The following FDFT1 variants were observed in gnomAD, a reference collection of about 807,000 sequenced individuals.
FDFT1 encodes squalene synthase.
FDFT1 carries 68 observed loss-of-function variants against 46.8 expected under a neutral mutation model. The ratio of observed to expected loss-of-function variants is 1.45; its 90% confidence interval spans 1.19 to 1.78. The LOEUF is 1.78. Ranked by LOEUF, FDFT1 falls within the 40% of genes most tolerant of loss-of-function variation. FDFT1 has a pLI of 0.00. For missense variants in FDFT1, 928 were observed against 524.4 expected, an observed-to-expected ratio of 1.77 and a Z score of -7.52; for synonymous variants, 351 against 185.1, an observed-to-expected ratio of 1.90 and a Z score of -7.28.
intron 4 of FDFT1, among the ~76,000 whole-genome samples, chr8:11,824,173 C>T (rs1223266560): frequency 1.3e-5 from 2 of 152,120 alleles, no homozygotes; most frequent in Middle Eastern, 3.2e-3. Flanking sequence ...AACTTTTACC[C>T]TTCCTAATGA....
upstream of FDFT1, chr8:11,802,335 C>T (rs1161830539): frequency 1.2e-5 from 5 of 413,714 alleles, no homozygotes; most frequent in Non-Finnish European, 2.4e-5. Context: ...ACTTATTGAC[C>T]AAGTGGGGAG....
upstream of FDFT1, chr8:11,802,330 T>A (rs1053891291): frequency 2.4e-6 from 1 of 409,748 alleles, no homozygotes; most frequent in African/African-American, 2.1e-5. Flanking sequence ...GGGCGACTTA[T>A]TGACCAAGTG....
At chr8:11,810,368 C>A (rs938911950) in intron 3 of FDFT1, among the ~76,000 whole-genome samples, 5 of 152,156 alleles carry the variant, frequency 3.3e-5, no homozygotes, top group Non-Finnish European at 7.4e-5. Flanking sequence ...CTGCTGCTCA[C>A]GATGGGCAGC....
chr8:11,801,300 G>T (rs895258998), upstream of FDFT1, among the ~76,000 whole-genome samples: 1 of 152,198 alleles, frequency 6.6e-6, no homozygotes, highest in Admixed American at 6.5e-5. Context: ...ACAGCTTTGG[G>T]CAGTGAACGT....
intron 4 of FDFT1, among the ~76,000 whole-genome samples, chr8:11,822,881 T>C (rs1055064234): frequency 6.6e-6 from 1 of 152,248 alleles, no homozygotes; most frequent in African/African-American, 2.4e-5. Context: ...TAGTAACTCA[T>C]TTTCTGTTGT....
chr8:11,807,658 G>T (rs1187613964), intron 1 of FDFT1, among the ~76,000 whole-genome samples: 1 of 152,212 alleles, frequency 6.6e-6, no homozygotes, highest in Non-Finnish European at 1.5e-5. Flanking sequence ...TTAAAATCAG[G>T]CTTTTTCTCC....
intron 5 of FDFT1, among the ~76,000 whole-genome samples, chr8:11,828,826 G>T (rs1307462056): frequency 3.9e-5 from 6 of 152,188 alleles, no homozygotes; most frequent in Admixed American, 3.9e-4. Flanking sequence ...CCATGCTGGG[G>T]CATTGCATCA....
At chr8:11,833,190 C>T (rs970903824) in intron 7 of FDFT1, among the ~76,000 whole-genome samples, 1 of 152,148 alleles carries the variant, frequency 6.6e-6, no homozygotes, top group Non-Finnish European at 1.5e-5. Flanking sequence ...CAATGAGACT[C>T]TCCATTTTGC....
upstream of FDFT1, chr8:11,797,993 T>TG (rs1198069459): frequency 6.6e-6 from 1 of 152,274 alleles, no homozygotes; most frequent in Non-Finnish European, 1.5e-5. Context: ...CCAGAAGGCT[T>TG]GATTTCCTTT....
intron 1 of FDFT1, chr8:11,808,470 A>T: frequency 7.8e-7 from 1 of 1,288,650 alleles, no homozygotes; most frequent in Non-Finnish European, 9.8e-7. Flanking sequence ...CGCTTCCCAG[A>T]TCTGCTTGAG....
rs768848871 is a variant in FDFT1 at position 11,826,063 on chromosome 8, T to A, written c.550T>A (p.Ser184Thr). Residue 184 changes from serine to threonine, a missense_variant, in exon 5 of 8, where the codon TCC becomes ACC. Transcript: ENST00000220584. ...YVAGLVGIGLSRLFSASEFED... is the reference protein window; with the variant it reads ...YVAGLVGIGLTRLFSASEFED... Reference sequence around the variant, plus strand: ...TGCTGGGCTGGTCGGAATTGGCCTTTCCCGTCTTTTCTCAGCCTCAGAGTT... The same window carrying A: ...TGCTGGGCTGGTCGGAATTGGCCTTACCCGTCTTTTCTCAGCCTCAGAGTT... 1 of 1,605,168 alleles carries A rather than the reference T, an allele frequency of 6.2e-7. No homozygotes were observed. The highest frequency in any genetic ancestry group is 8.5e-7 in the Non-Finnish European group (1 of 1,172,962).
chr8:11,825,717 A>G (rs1809876399), intron 4 of FDFT1, among the ~76,000 whole-genome samples: 1 of 152,048 alleles, frequency 6.6e-6, no homozygotes, highest in African/African-American at 2.4e-5. Context: ...AAATAAAAAA[A>G]TGTTTACTAG....
chr8:11,824,411 A>C (rs2130829661), intron 4 of FDFT1, among the ~76,000 whole-genome samples: 1 of 152,284 alleles, frequency 6.6e-6, no homozygotes, highest in African/African-American at 2.4e-5. Context: ...AAAACTAAAA[A>C]GAAAAGGGGA....
intron 1 of FDFT1, among the ~76,000 whole-genome samples, chr8:11,807,511 CTG>C (rs147733450): frequency 0.012 from 1,804 of 152,134 alleles, 46 homozygotes; most frequent in African/African-American, 0.041. Flanking sequence ...TGTTGTAAGA[CTG>C]TGGGGTGAGG....
rs765240165 is a variant in FDFT1, at chr8:11,821,820, G to A, written c.452G>A (p.Gly151Asp). The part of the protein sequence containing the change: ...TVIADICRRM[G>D]IGMAEFLDKH... ...ATTGCCGACATTTGCCGGAGAATGG[G>A]CATTGGGATGGCAGAGTTTTTGGAT... Residue 151 changes from glycine to aspartate, a missense_variant, in exon 4 of 8, where the codon GGC (glycine) becomes GAC (aspartate). By Grantham distance (94) the Gly-to-Asp change is moderately conservative (BLOSUM62 -1). Transcript: ENST00000220584. The A allele has an allele frequency of 1.5e-5, 24 of 1,613,668 alleles. No individual in the cohort carries two copies. The Admixed American group carries it at 2.3e-4, about 16-fold the overall frequency.
At chr8:11,832,798 GAAACAC>G (rs1433864974) in intron 7 of FDFT1, among the ~76,000 whole-genome samples, 4 of 152,042 alleles carry the variant, frequency 2.6e-5, no homozygotes, top group Non-Finnish European at 4.4e-5. Context: ...TGTTGAGAAT[GAAACAC>G]TGTAGACTTT....
intron 4 of FDFT1, among the ~76,000 whole-genome samples, chr8:11,824,811 C>T (rs570439785): frequency 6.6e-6 from 1 of 152,114 alleles, no homozygotes; most frequent in Non-Finnish European, 1.5e-5. Context: ...TCTCGGCTCC[C>T]TGCAAGCTCC....
intron 5 of FDFT1, among the ~76,000 whole-genome samples, chr8:11,827,360 T>C (rs1193914883): frequency 6.6e-6 from 1 of 152,042 alleles, no homozygotes; most frequent in Non-Finnish European, 1.5e-5. Flanking sequence ...TAAAACTAAA[T>C]TTAAAAGATT....
rs182351326 is a variant in FDFT1 at position 11,803,275 on chromosome 8, C to G, written c.99+344C>G. On this transcript the variant is annotated intron_variant, in intron 1 of 7. Transcript: ENST00000220584. Reference sequence around the variant, plus strand: ...TCTGAGGCAATGTGGGTGGGTTACGCGGGAGAGGACGAGTGAGTTTTTTGG... The same window carrying G: ...TCTGAGGCAATGTGGGTGGGTTACGGGGGAGAGGACGAGTGAGTTTTTTGG... 8.3e-6 allele frequency: 11 copies of G among 1,330,262 alleles called. No homozygotes were observed. In the African/African-American group the frequency reaches 1.5e-4, roughly 18 times the overall value. The allele number at this position is 1,330,262 out of a possible 1,614,324, so 82.4% of individuals were successfully genotyped here. A position where few individuals can be genotyped will look rare whatever the true frequency, so the allele number is the denominator to read the frequency against.
Sources: allele counts gnomAD v4.1 joint callset (sites outside exome capture counted in the v4.1 genomes callset), GRCh38; gene constraint gnomAD v4.1.1; transcripts MANE v1.5; gene names NCBI Gene and HGNC (gene_info 2026-07-23, HGNC 2026-07-21).